ELMO1: variants seen among roughly 807,000 people sequenced by gnomAD.
ELMO1 encodes engulfment and cell motility 1.
ELMO1 carries 26 observed loss-of-function variants against 98.9 expected under a neutral mutation model. That is an observed-to-expected ratio of 0.26 (90% CI 0.19 to 0.36). ELMO1 has a LOEUF of 0.36. Among genes scored for constraint, ELMO1 ranks in the 10% least tolerant of loss-of-function variants. The pLI, the probability that ELMO1 is intolerant of heterozygous loss-of-function variation, is 1.00. For synonymous variants in ELMO1, 346 were observed against 346.0 expected, an observed-to-expected ratio of 1.00 and a Z score of 0.00; for missense variants, 627 against 935.2, an observed-to-expected ratio of 0.67 and a Z score of 4.30.
At chr7:36,985,640 T>C (rs978352362) in intron 16 of ELMO1, among the ~76,000 whole-genome samples, 10 of 152,204 alleles carry the variant, frequency 6.6e-5, no homozygotes, top group Non-Finnish European at 1.5e-4. Context: ...TTGAAATGCA[T>C]CAACACCCAG....
At chr7:37,099,833 AT>A (rs768234746) in intron 14 of ELMO1, among the ~76,000 whole-genome samples, 2,581 of 141,262 alleles carry the variant, frequency 0.018, 51 homozygotes, top group African/African-American at 0.045. Flanking sequence ...CTGGAGTTCA[AT>A]TTTTTTTTTT....
intron 8 of ELMO1, among the ~76,000 whole-genome samples, chr7:37,231,567 AACTG>A (rs1362520155): frequency 6.6e-6 from 1 of 152,200 alleles, no homozygotes; most frequent in African/African-American, 2.4e-5. Context: ...TATACAAAAT[AACTG>A]ACTGTTAACT....
intron 16 of ELMO1, among the ~76,000 whole-genome samples, chr7:37,002,812 C>T (rs1209844588): frequency 6.6e-6 from 1 of 152,176 alleles, no homozygotes; most frequent in Admixed American, 6.5e-5. Context: ...AGGCATGGTG[C>T]TAGATACTTA....
At chr7:37,016,989 A>G (rs1221489424) in intron 15 of ELMO1, among the ~76,000 whole-genome samples, 1 of 152,208 alleles carries the variant, frequency 6.6e-6, no homozygotes, top group Non-Finnish European at 1.5e-5. Flanking sequence ...TTCTATCCAC[A>G]GAAAATATTT....
At chr7:37,408,501 A>C (rs1183271164) in intron 1 of ELMO1, among the ~76,000 whole-genome samples, 1 of 152,246 alleles carries the variant, frequency 6.6e-6, no homozygotes, top group Admixed American at 6.5e-5. Context: ...AGGAGGGAGA[A>C]GCAGTCTAAA....
intron 15 of ELMO1, among the ~76,000 whole-genome samples, chr7:37,094,084 C>G (rs918737348): frequency 2.0e-5 from 3 of 152,118 alleles, no homozygotes; most frequent in African/African-American, 7.2e-5. Context: ...CTGCAGTGTC[C>G]CTCATAGTCT....
chr7:37,213,213 G>T, intron 12 of ELMO1, 122 bp downstream of exon 12: 3 of 1,305,004 alleles, frequency 2.3e-6, no homozygotes, highest in Non-Finnish European at 3.1e-6. Context: ...GTTCTGAGAT[G>T]ATAATAAAAT....
chr7:37,333,740 A>G (rs1177306339), intron 2 of ELMO1, among the ~76,000 whole-genome samples: 1 of 152,214 alleles, frequency 6.6e-6, no homozygotes, highest in Non-Finnish European at 1.5e-5. Flanking sequence ...AAAGTTGCAA[A>G]AATCAGATGA....
At chr7:37,211,198 T>C (rs1792948355) in intron 13 of ELMO1, 188 bp downstream of exon 13, 3 of 742,342 alleles carry the variant, frequency 4.0e-6, no homozygotes, top group Non-Finnish European at 4.3e-6. Context: ...GTGCAAGTTA[T>C]TCCATTTCAC....
intron 4 of ELMO1, among the ~76,000 whole-genome samples, chr7:37,292,337 G>C (rs867083949): frequency 0.014 from 1,155 of 83,966 alleles, 140 homozygotes; most frequent in Middle Eastern, 0.032. Context: ...GCCTCCCAAA[G>C]TGCCGAGATT....
At chr7:37,397,020 A>G (rs955969328) in intron 1 of ELMO1, among the ~76,000 whole-genome samples, 3 of 152,218 alleles carry the variant, frequency 2.0e-5, no homozygotes, top group Non-Finnish European at 4.4e-5. Context: ...AGCTGAACCC[A>G]AAGAGAGACT....
chr7:37,379,231 G>A (rs1271199674), intron 1 of ELMO1, among the ~76,000 whole-genome samples: 3 of 151,950 alleles, frequency 2.0e-5, no homozygotes, highest in Non-Finnish European at 2.9e-5. Flanking sequence ...CAGTAGAGAC[G>A]GGGTTTCACC....
chr7:37,058,593 A>G (rs182226238), intron 15 of ELMO1, among the ~76,000 whole-genome samples: 86 of 152,246 alleles, frequency 5.6e-4, no homozygotes, highest in Non-Finnish European at 9.6e-4. Context: ...CTGTGTCTGC[A>G]TGAGAGTAAA....
At chr7:36,963,066 C>T (rs1051886593) in intron 16 of ELMO1, among the ~76,000 whole-genome samples, 2 of 152,142 alleles carry the variant, frequency 1.3e-5, no homozygotes, top group Non-Finnish European at 2.9e-5. Flanking sequence ...TAGAGTTACA[C>T]TTGAGTGTCA....
rs1045102630 is a variant in ELMO1, at chr7:37,167,474, T to C, written c.1087-34240A>G. 1.0e-3 allele frequency among the ~76,000 whole-genome samples: 157 copies of C among 151,056 alleles called. 1 individual carries two copies. The highest frequency in any genetic ancestry group is 1.3e-4 in the Non-Finnish European group (9 of 67,582). Reference sequence around the variant, plus strand: ...TTTGGCATGATTTTGCAGCGGCTGGTACCGGTTGTTCCTTTCCATGTTTAG... The same window carrying C: ...TTTGGCATGATTTTGCAGCGGCTGGCACCGGTTGTTCCTTTCCATGTTTAG... On this transcript the variant is annotated intron_variant, in intron 13 of 21. Transcript: ENST00000310758.
At chr7:37,378,630 T>C (rs561388357) in intron 1 of ELMO1, among the ~76,000 whole-genome samples, 1 of 152,216 alleles carries the variant, frequency 6.6e-6, no homozygotes, top group Non-Finnish European at 1.5e-5. Flanking sequence ...TGGTCTTCTA[T>C]GTAAATGAAC....
chr7:37,301,888 C>T (rs1798370539), intron 4 of ELMO1, among the ~76,000 whole-genome samples: 1 of 152,138 alleles, frequency 6.6e-6, no homozygotes, highest in African/African-American at 2.4e-5. Context: ...ACTGTTGCTG[C>T]TCTATGTTTG....
intron 14 of ELMO1, among the ~76,000 whole-genome samples, chr7:37,103,438 A>G (rs1784748994): frequency 6.7e-6 from 1 of 148,740 alleles, no homozygotes; most frequent in Admixed American, 6.8e-5. Flanking sequence ...CAAACACTGC[A>G]TGTTCTCACT....
intron 16 of ELMO1, among the ~76,000 whole-genome samples, chr7:37,008,451 T>A (rs1793301396): frequency 6.6e-6 from 1 of 152,210 alleles, no homozygotes; most frequent in Non-Finnish European, 1.5e-5. Flanking sequence ...ACTAATTCAG[T>A]TCAGAATTTA....
Sources: gnomAD v4.1 joint callset for allele counts (sites outside exome capture counted in the v4.1 genomes callset) on GRCh38, gnomAD v4.1.1 for gene constraint, MANE v1.5 for transcripts, NCBI Gene and HGNC (gene_info 2026-07-23, HGNC 2026-07-21) for gene names.